EFCAB6: variants seen among roughly 807,000 people sequenced by gnomAD.
The protein encoded by EFCAB6 is EF-hand calcium-binding domain-containing protein 6.
Under a neutral mutation model 169.8 loss-of-function variants are expected in EFCAB6, and 156 were observed. The observed-to-expected ratio is 0.92, with a 90% confidence interval of 0.81 to 1.05. The LOEUF (loss-of-function observed/expected upper bound fraction) is 1.05. Ranked by LOEUF, EFCAB6 falls within the 50% of genes least tolerant of loss-of-function variation. EFCAB6 has a pLI of 0.00. For missense variants in EFCAB6, 1,800 were observed against 1,829.1 expected, an observed-to-expected ratio of 0.98 and a Z score of 0.29; for synonymous variants, 698 against 676.4, an observed-to-expected ratio of 1.03 and a Z score of -0.50.
intron 23 of EFCAB6, among the ~76,000 whole-genome samples, chr22:43,591,553 A>G (rs576799553): frequency 6.6e-6 from 1 of 151,886 alleles, no homozygotes; most frequent in South Asian, 2.1e-4. Context: ...TCTCAAGTAC[A>G]CACACTCACA....
intron 29 of EFCAB6, chr22:43,536,882 A>T (rs980352971): frequency 2.6e-5 from 4 of 152,960 alleles, no homozygotes; most frequent in African/African-American, 9.6e-5. Context: ...CAAAACAACA[A>T]AAAACAAAAA....
intron 2 of EFCAB6, among the ~76,000 whole-genome samples, chr22:43,784,674 T>G (rs201393679): frequency 4.0e-5 from 2 of 49,636 alleles, no homozygotes; most frequent in Admixed American, 2.9e-4. Context: ...CATATACATA[T>G]ATACACACAC....
intron 6 of EFCAB6, among the ~76,000 whole-genome samples, chr22:43,745,435 G>A (rs2060525522): frequency 6.6e-6 from 1 of 152,190 alleles, no homozygotes; most frequent in Admixed American, 6.5e-5. Flanking sequence ...TGGCTTCCGT[G>A]TAGCTGTTTT....
At chr22:43,743,725 CCA>C (rs1320431846) in intron 6 of EFCAB6, among the ~76,000 whole-genome samples, 1 of 152,228 alleles carries the variant, frequency 6.6e-6, no homozygotes, top group East Asian at 1.9e-4. Context: ...CTCCCCAACC[CCA>C]GTCCCTCCTT....
intron 6 of EFCAB6, among the ~76,000 whole-genome samples, chr22:43,754,512 C>T (rs567748242): frequency 6.6e-6 from 1 of 152,322 alleles, no homozygotes; most frequent in South Asian, 2.1e-4. Flanking sequence ...CTTTTCCCTT[C>T]ACCTGTTTGT....
intron 22 of EFCAB6, among the ~76,000 whole-genome samples, chr22:43,602,076 C>G (rs1010672476): frequency 6.6e-6 from 1 of 152,256 alleles, no homozygotes; most frequent in Non-Finnish European, 1.5e-5. Flanking sequence ...CGGCTCTTCA[C>G]CTGGCAAGGC....
At chr22:43,765,560 C>T (rs140136697) in intron 4 of EFCAB6, among the ~76,000 whole-genome samples, 167 bp from the exon 5 acceptor site, 19 of 152,162 alleles carry the variant, frequency 1.2e-4, no homozygotes, top group Non-Finnish European at 2.4e-4. Context: ...CCAGGTGTCA[C>T]GGTGAACATG....
At position 43,730,313 on chromosome 22, in the gene EFCAB6, C is replaced by T. The variant is rs73434299; in HGVS notation, c.757+1386G>A. On this transcript the variant is annotated intron_variant, in intron 8 of 31. Coordinates refer to ENST00000262726, the MANE Select transcript of EFCAB6 (RefSeq NM_022785.4). Reference sequence around the variant, plus strand: ...GAGGGATGGAGTTCTAGGATAAATGCCTCTTAGGCAATCAGCCAGAGAAAA... The same window carrying T: ...GAGGGATGGAGTTCTAGGATAAATGTCTCTTAGGCAATCAGCCAGAGAAAA... Among the ~76,000 whole-genome samples, 386 of 126,994 alleles carry T rather than the reference C, an allele frequency of 3.0e-3. 3 individuals are homozygous for T. The highest frequency in any genetic ancestry group is 0.011 in the African/African-American group (375 of 33,654). 83.3% of individuals were successfully genotyped at this position (126,994 alleles called of 152,430 possible).
chr22:43,561,084 T>G (rs1164099270), intron 26 of EFCAB6, among the ~76,000 whole-genome samples: 1 of 151,938 alleles, frequency 6.6e-6, no homozygotes, highest in East Asian at 1.9e-4. Context: ...ACAGGCTGGG[T>G]GCAGTGGCTC....
At chr22:43,633,216 C>T (rs1197436241) in intron 18 of EFCAB6, among the ~76,000 whole-genome samples, 2 of 152,270 alleles carry the variant, frequency 1.3e-5, no homozygotes, top group East Asian at 3.9e-4. Context: ...TGCCCTCTCG[C>T]TCCCCTAAAA....
chr22:43,803,678 C>T (rs1017720281), intron 2 of EFCAB6, among the ~76,000 whole-genome samples: 1 of 151,928 alleles, frequency 6.6e-6, no homozygotes, highest in African/African-American at 2.4e-5. Flanking sequence ...TGAAGTTAAA[C>T]ATTACTAGAT....
intron 13 of EFCAB6, 79 bp from the exon 14 acceptor site, chr22:43,672,384 A>ACAGAG: frequency 6.8e-7 from 1 of 1,477,762 alleles, no homozygotes; most frequent in Non-Finnish European, 9.3e-7. Context: ...GTGGACCTGG[A>ACAGAG]CTGGAATCCT....
chr22:43,620,606 G>A (rs1404970342), intron 20 of EFCAB6, among the ~76,000 whole-genome samples: 2 of 152,158 alleles, frequency 1.3e-5, no homozygotes, highest in Non-Finnish European at 2.9e-5. Flanking sequence ...AGTTCTTCAG[G>A]GGAAGAAGAA....
intron 9 of EFCAB6, 114 bp from the exon 10 acceptor site, chr22:43,711,737 CAAAA>C: frequency 3.1e-6 from 4 of 1,283,374 alleles, no homozygotes; most frequent in Non-Finnish European, 4.2e-6. Flanking sequence ...AAAAACTGAT[CAAAA>C]AGGTTACTAT....
intron 17 of EFCAB6, among the ~76,000 whole-genome samples, chr22:43,641,581 A>G (rs187519664): frequency 5.0e-4 from 74 of 147,304 alleles, no homozygotes; most frequent in Non-Finnish European, 8.6e-4. Context: ...GCGCCTTTAC[A>G]CTCCAGCCTG....
chr22:43,781,398 A>G (rs1322383236), intron 3 of EFCAB6, among the ~76,000 whole-genome samples: 1 of 152,168 alleles, frequency 6.6e-6, no homozygotes, highest in East Asian at 1.9e-4. Context: ...ATCATGGCTC[A>G]CTGAAGTCTT....
intron 21 of EFCAB6, among the ~76,000 whole-genome samples, chr22:43,614,610 G>T (rs1227247021): frequency 1.3e-5 from 2 of 152,198 alleles, no homozygotes. Flanking sequence ...TTCTAGTCCC[G>T]ACCCTTTCCT....
intron 27 of EFCAB6, among the ~76,000 whole-genome samples, chr22:43,548,692 T>C (rs2048216042): frequency 6.6e-6 from 1 of 151,354 alleles, no homozygotes; most frequent in East Asian, 1.9e-4. Flanking sequence ...AAGAAATGGA[T>C]ACATCTACTA....
At chr22:43,639,633 T>C (rs889935397) in intron 17 of EFCAB6, among the ~76,000 whole-genome samples, 1 of 152,232 alleles carries the variant, frequency 6.6e-6, no homozygotes, top group Non-Finnish European at 1.5e-5. Flanking sequence ...TTCTTTGTAA[T>C]ATCCTACTTG....
Sources: gnomAD v4.1 joint callset for allele counts (sites outside exome capture counted in the v4.1 genomes callset) on GRCh38, gnomAD v4.1.1 for gene constraint, MANE v1.5 for transcripts, NCBI Gene and HGNC (gene_info 2026-07-23, HGNC 2026-07-21) for gene names.